The following BMPER variants were observed in gnomAD, a reference collection of about 807,000 sequenced individuals.
BMPER encodes the protein BMP binding endothelial regulator, also known as BMP-binding endothelial regulator protein.
In BMPER, 45 loss-of-function variants were observed where a neutral mutation model predicts 87.3. That is an observed-to-expected ratio of 0.52 (90% CI 0.41 to 0.66). The LOEUF is 0.66. Ranked by LOEUF, BMPER falls within the 30% of genes least tolerant of loss-of-function variation. The pLI, the probability that BMPER is intolerant of heterozygous loss-of-function variation, is 0.00. For synonymous variants in BMPER, 326 were observed against 316.2 expected (o/e 1.03, Z -0.33); for missense variants, 784 against 867.5 (o/e 0.90, Z 1.21).
rs564087321 is a variant in BMPER, at chr7:33,953,791, A to G, written c.320-12688A>G. Among the ~76,000 whole-genome samples the G allele has an allele frequency of 4.7e-4, 71 of 152,230 alleles. 2 individuals carry two copies. The highest frequency in any genetic ancestry group is 1.5e-3 in the African/African-American group (61 of 41,542). On this transcript the variant is annotated intron_variant, in intron 3 of 14. Coordinates refer to ENST00000649409, the MANE Select transcript of BMPER (RefSeq NM_001365308.1). ...ACTGAAACTCTATACCCATTAAACA[A>G]TATCTTCTCTTTCTCTCCTCCCCTC...
chr7:34,114,626 G>C (rs1377990166), intron 13 of BMPER, among the ~76,000 whole-genome samples: 1 of 152,334 alleles, frequency 6.6e-6, no homozygotes, highest in East Asian at 1.9e-4. Context: ...ACTGTGATAA[G>C]TGCAAAATGT....
chr7:34,092,213 C>T (rs912804400), intron 13 of BMPER, among the ~76,000 whole-genome samples: 2 of 152,154 alleles, frequency 1.3e-5, no homozygotes, highest in Non-Finnish European at 2.9e-5. Context: ...CTTTGATGCT[C>T]CAAATGCCGT....
At chr7:34,139,447 G>A (rs528499336) in intron 13 of BMPER, among the ~76,000 whole-genome samples, 12 of 152,260 alleles carry the variant, frequency 7.9e-5, no homozygotes, top group Non-Finnish European at 1.2e-4. Flanking sequence ...CTTTTGTGTA[G>A]TATTAAAAGT....
chr7:33,923,340 A>T (rs1191995329), intron 2 of BMPER, among the ~76,000 whole-genome samples: 1 of 151,962 alleles, frequency 6.6e-6, no homozygotes, highest in Non-Finnish European at 1.5e-5. Context: ...CGTCTGTAAT[A>T]CTCACCCAGC....
chr7:34,046,424 G>A lies in BMPER; in HGVS notation c.676+19G>A. 6.2e-7 allele frequency: 1 copy of A among 1,600,840 alleles called. No homozygotes were observed. The highest frequency in any genetic ancestry group is 1.1e-5 in the South Asian group (1 of 90,828). Reference sequence around the variant, plus strand: ...TGTTTGGGTGAGTTACTATTTTCAGGTCAAAGAACAATGTAATTTCTTCTC... The same window carrying A: ...TGTTTGGGTGAGTTACTATTTTCAGATCAAAGAACAATGTAATTTCTTCTC... On this transcript the variant is annotated intron_variant, in intron 7 of 14. Coordinates refer to ENST00000649409, the MANE Select transcript of BMPER (RefSeq NM_001365308.1).
intron 13 of BMPER, among the ~76,000 whole-genome samples, chr7:34,136,519 C>A (rs957355540): frequency 6.6e-6 from 1 of 152,156 alleles, no homozygotes; most frequent in African/African-American, 2.4e-5. Context: ...TAGCTAACCA[C>A]ACTTCTGCTC....
chr7:34,109,909 C>A (rs1295494901), intron 13 of BMPER, among the ~76,000 whole-genome samples: 4 of 152,210 alleles, frequency 2.6e-5, no homozygotes, highest in Admixed American at 6.5e-5. Context: ...TGCAAAATCT[C>A]TTTCCCCTTG....
intron 10 of BMPER, among the ~76,000 whole-genome samples, chr7:34,058,755 T>C (rs1302221950): frequency 1.3e-5 from 2 of 151,998 alleles, no homozygotes; most frequent in African/African-American, 4.8e-5. Context: ...AAGCATGAGG[T>C]TCATTGAATT....
chr7:34,066,351 C>T (rs1158697743), intron 11 of BMPER, among the ~76,000 whole-genome samples: 3 of 152,194 alleles, frequency 2.0e-5, no homozygotes, highest in African/African-American at 7.2e-5. Context: ...TAAAATCAGA[C>T]CTGAGGGAAG....
chr7:34,014,605 G>A (rs575332075), intron 6 of BMPER, among the ~76,000 whole-genome samples: 1 of 152,032 alleles, frequency 6.6e-6, no homozygotes, highest in East Asian at 2.0e-4. Flanking sequence ...ACCGTGGAGT[G>A]TGGAATTTCC....
intron 2 of BMPER, among the ~76,000 whole-genome samples, chr7:33,926,321 T>A (rs1330176579): frequency 6.6e-6 from 1 of 152,220 alleles, no homozygotes; most frequent in Non-Finnish European, 1.5e-5. Context: ...TCTGCAGAAA[T>A]TTTTGCCTTA....
intron 6 of BMPER, among the ~76,000 whole-genome samples, chr7:34,022,705 CAAAAAAAAA>C (rs74837974): frequency 1.7e-5 from 1 of 59,656 alleles, no homozygotes; most frequent in Admixed American, 1.9e-4. Flanking sequence ...TAAGGTTTGC[CAAAAAAAAA>C]AAAAAAAAAA....
chr7:34,055,318 A>G lies in BMPER; in HGVS notation c.927+15A>G. On this transcript the variant is annotated intron_variant, in intron 9 of 14. Transcript: ENST00000649409. Reference sequence around the variant, plus strand: ...AGATTTTCCAGGTATGTCATGAGACAAGCACATGGGAACTCCTGTATTACT... The same window carrying G: ...AGATTTTCCAGGTATGTCATGAGACGAGCACATGGGAACTCCTGTATTACT... 1.9e-6 allele frequency: 3 copies of G among 1,613,790 alleles called. No individual in the cohort carries two copies. The highest frequency in any genetic ancestry group is 2.5e-6 in the Non-Finnish European group (3 of 1,179,968).
In BMPER at chr7:33,958,312, A is replaced by G. The variant is rs536717420; in HGVS notation, c.320-8167A>G. On this transcript the variant is annotated intron_variant, in intron 3 of 14. Transcript: ENST00000649409. Reference sequence around the variant, plus strand: ...AACATGTTCTTATTATGAAAAATGTATGAATTCACCCTTAGATGTTTGAAG... The same window carrying G: ...AACATGTTCTTATTATGAAAAATGTGTGAATTCACCCTTAGATGTTTGAAG... Among the ~76,000 whole-genome samples the G allele has an allele frequency of 3.2e-4, 48 of 152,320 alleles. 1 individual carries two copies. Among genetic ancestry groups the G allele is most frequent in the Middle Eastern group, 3.4e-3 (1 of 294 alleles).
chr7:34,122,911 T>A (rs1016965927), intron 13 of BMPER, among the ~76,000 whole-genome samples: 1 of 152,158 alleles, frequency 6.6e-6, no homozygotes, highest in Non-Finnish European at 1.5e-5. Flanking sequence ...CTTCTCAGAG[T>A]CCACAGAAGC....
intron 12 of BMPER, among the ~76,000 whole-genome samples, chr7:34,080,942 A>G (rs1309496591): frequency 1.3e-5 from 2 of 152,230 alleles, no homozygotes; most frequent in South Asian, 2.1e-4. Context: ...CATAAATGCC[A>G]TAATTAGATT....
chr7:34,022,728 AGAG>A (rs1038970984), intron 6 of BMPER, among the ~76,000 whole-genome samples: 11 of 150,486 alleles, frequency 7.3e-5, no homozygotes, highest in Non-Finnish European at 1.3e-4. Flanking sequence ...AAAAAAAGGA[AGAG>A]GAGAAGAGGC....
intron 9 of BMPER, 98 bp from the exon 10 acceptor site, chr7:34,057,961 G>A: frequency 9.5e-7 from 1 of 1,052,938 alleles, no homozygotes; most frequent in South Asian, 1.3e-5. Flanking sequence ...CCCTCACTCA[G>A]GGCAAGAAAT....
chr7:33,948,338 G>A (rs1283453746), intron 3 of BMPER, among the ~76,000 whole-genome samples: 1 of 152,228 alleles, frequency 6.6e-6, no homozygotes, highest in Non-Finnish European at 1.5e-5. Flanking sequence ...TTCAGAGATA[G>A]AGTTGTGTTC....
Sources: allele counts gnomAD v4.1 joint callset (sites outside exome capture counted in the v4.1 genomes callset), GRCh38; gene constraint gnomAD v4.1.1; transcripts MANE v1.5; gene names NCBI Gene and HGNC (gene_info 2026-07-23, HGNC 2026-07-21).